The following PLEKHD1 variants were observed in gnomAD, a reference collection of about 807,000 sequenced individuals.
The protein encoded by PLEKHD1 is pleckstrin homology domain-containing family D member 1.
PLEKHD1 carries 51 observed loss-of-function variants against 69.2 expected under a neutral mutation model. That is an observed-to-expected ratio of 0.74 (90% confidence interval 0.59 to 0.93). The LOEUF (loss-of-function observed/expected upper bound fraction) is 0.93, where lower values mean the gene tolerates loss of function less well. Among genes scored for constraint, PLEKHD1 ranks in the 40% least tolerant of loss-of-function variants. The pLI is 0.00. For missense variants in PLEKHD1, 584 were observed against 641.0 expected (o/e 0.91, Z 0.96); for synonymous variants, 236 against 244.7 (o/e 0.96, Z 0.33).
In PLEKHD1 at chr14:69,526,039, C is replaced by A. The variant is rs1305474523; in HGVS notation, c.840C>A (p.Pro280=). Residue 280 remains proline (P), a synonymous_variant, in exon 9 of 13, where the codon CCC becomes CCA. Transcript: ENST00000322564. ...TLANQSEQPP[P]SGGLHSNLRQ... ...CCAATCAGAGTGAGCAGCCCCCTCC[C>A]AGTGGGGGCCTCCATAGCAACCTCC... The A allele has an allele frequency of 1.5e-5, 24 of 1,551,342 alleles. No individual in the cohort carries two copies. Among genetic ancestry groups the A allele is most frequent in the Non-Finnish European group, 1.8e-5 (21 of 1,146,790 alleles).
intron 4 of PLEKHD1, chr14:69,501,396 C>T (rs576343250): frequency 4.8e-5 from 15 of 315,732 alleles, no homozygotes; most frequent in African/African-American, 1.3e-4. Context: ...AAACACCGAC[C>T]GTGTGCTCTG....
At chr14:69,508,434 A>G (rs183371448) in intron 6 of PLEKHD1, among the ~76,000 whole-genome samples, 2 of 151,884 alleles carry the variant, frequency 1.3e-5, no homozygotes, top group East Asian at 3.9e-4. Context: ...CAAAAAAACT[A>G]TTTTTGAGTC....
chr14:69,513,681 T>A (rs1486273047), intron 6 of PLEKHD1, among the ~76,000 whole-genome samples: 1 of 152,214 alleles, frequency 6.6e-6, no homozygotes, highest in Non-Finnish European at 1.5e-5. Flanking sequence ...ACTTATTCAC[T>A]CTCCAATGCT....
chr14:69,518,672 A>G (rs1379391063), intron 6 of PLEKHD1, among the ~76,000 whole-genome samples: 1 of 152,198 alleles, frequency 6.6e-6, no homozygotes, highest in East Asian at 1.9e-4. Flanking sequence ...TGTGGTGAAC[A>G]GGAATTCTTT....
At chr14:69,517,702 C>T (rs1050735433) in intron 6 of PLEKHD1, among the ~76,000 whole-genome samples, 3 of 152,176 alleles carry the variant, frequency 2.0e-5, no homozygotes, top group African/African-American at 4.8e-5. Flanking sequence ...GGGCCAATCT[C>T]GGTTCTTTCA....
chr14:69,488,256 C>T (rs1387607975), intron 1 of PLEKHD1, among the ~76,000 whole-genome samples: 5 of 152,120 alleles, frequency 3.3e-5, no homozygotes, highest in African/African-American at 4.8e-5. Context: ...GGTCACCATG[C>T]CAAAAAGACT....
upstream of PLEKHD1, among the ~76,000 whole-genome samples, chr14:69,483,505 GA>G (rs1882584392): frequency 6.6e-6 from 1 of 152,184 alleles, no homozygotes; most frequent in Admixed American, 6.5e-5. Flanking sequence ...GGGGCATGAA[GA>G]AACTTTCTGC....
chr14:69,488,684 A>G (rs1882706482), intron 1 of PLEKHD1, among the ~76,000 whole-genome samples: 1 of 152,080 alleles, frequency 6.6e-6, no homozygotes, highest in Non-Finnish European at 1.5e-5. Context: ...AGAGCAGAGG[A>G]GCTCTTTCAG....
At chr14:69,502,570 G>A (rs1175435172) in intron 5 of PLEKHD1, 6 of 506,382 alleles carry the variant, frequency 1.2e-5, no homozygotes, top group Non-Finnish European at 1.8e-5. Context: ...CCTGGGGGAT[G>A]CAGAGACTGC....
chr14:69,511,546 C>T (rs1566561823), intron 6 of PLEKHD1, among the ~76,000 whole-genome samples: 1 of 151,752 alleles, frequency 6.6e-6, no homozygotes, highest in Non-Finnish European at 1.5e-5. Context: ...TCTTTTTCTC[C>T]TTTTCTTTTT....
intron 2 of PLEKHD1, 99 bp from the exon 3 acceptor site, chr14:69,500,478 G>C: frequency 1.1e-6 from 1 of 951,758 alleles, no homozygotes. Flanking sequence ...TTCCATCCTG[G>C]GGCACTTGGC....
intron 6 of PLEKHD1, among the ~76,000 whole-genome samples, chr14:69,504,904 C>T (rs1362572492): frequency 6.6e-6 from 1 of 152,168 alleles, no homozygotes; most frequent in African/African-American, 2.4e-5. Flanking sequence ...TCTGTATTGT[C>T]AGCAAATTAA....
intron 11 of PLEKHD1, 83 bp from the exon 12 acceptor site, chr14:69,527,700 C>T: frequency 6.7e-7 from 1 of 1,488,410 alleles, no homozygotes; most frequent in South Asian, 1.2e-5. Context: ...CACTCAATCT[C>T]ACCAGGATCC....
intron 1 of PLEKHD1, among the ~76,000 whole-genome samples, chr14:69,491,798 C>A (rs577711135): frequency 1.3e-5 from 2 of 152,180 alleles, no homozygotes; most frequent in Non-Finnish European, 1.5e-5. Context: ...TTGAGAAAAC[C>A]CTTCTTGGAT....
At chr14:69,486,742 G>T (rs1470108814) in intron 1 of PLEKHD1, among the ~76,000 whole-genome samples, 1 of 152,134 alleles carries the variant, frequency 6.6e-6, no homozygotes, top group East Asian at 1.9e-4. Flanking sequence ...TGACCCCCAG[G>T]GTATGTCCCC....
intron 1 of PLEKHD1, among the ~76,000 whole-genome samples, chr14:69,489,511 A>G (rs1882726184): frequency 7.6e-6 from 1 of 131,950 alleles, no homozygotes; most frequent in African/African-American, 2.8e-5. Context: ...ATGAGCAGAG[A>G]TTGAGCCACT....
rs192332029 is a variant in PLEKHD1, at chr14:69,486,267, G to A, written c.149+1153G>A. Among the ~76,000 whole-genome samples the A allele has an allele frequency of 2.6e-5, 4 of 152,308 alleles. No individual in the cohort carries two copies. In the East Asian group the frequency reaches 7.7e-4, roughly 29 times the overall value. On this transcript the variant is annotated intron_variant, in intron 1 of 12. Coordinates refer to ENST00000322564, the MANE Select transcript of PLEKHD1 (RefSeq NM_001161498.2). ...GTGGGTGCTGATGTTCTGTTCTGAT[G>A]AATAATTTAATGTTTCTATAAGACC...
At chr14:69,515,417 T>C (rs1341763804) in intron 6 of PLEKHD1, among the ~76,000 whole-genome samples, 2 of 152,188 alleles carry the variant, frequency 1.3e-5, no homozygotes, top group African/African-American at 4.8e-5. Flanking sequence ...CCTACCCCAG[T>C]ACTGGTTCCC....
chr14:69,528,620 C>A lies in PLEKHD1; in HGVS notation c.*201C>A. ...CCTTCCTCATCCTCACCCCACACCC[C>A]ACCTTTGGGTCCACACCAGGGCCAT... On this transcript the variant is annotated 3_prime_UTR_variant, in exon 13 of 13. Coordinates refer to ENST00000322564, the MANE Select transcript of PLEKHD1 (RefSeq NM_001161498.2). 1.4e-6 allele frequency: 1 copy of A among 712,912 alleles called. No homozygotes were observed. The highest frequency in any genetic ancestry group is 2.3e-6 in the Non-Finnish European group (1 of 442,788). 44.2% of individuals were successfully genotyped at this position (712,912 alleles called of 1,614,324 possible).
Sources: allele counts gnomAD v4.1 joint callset (sites outside exome capture counted in the v4.1 genomes callset), GRCh38; gene constraint gnomAD v4.1.1; transcripts MANE v1.5; gene names NCBI Gene and HGNC (gene_info 2026-07-23, HGNC 2026-07-21).